The following NALCN variants were observed in gnomAD, a reference collection of about 807,000 sequenced individuals.
NALCN encodes sodium leak channel, non-selective, also known as sodium leak channel NALCN.
Under a neutral mutation model 225.3 loss-of-function variants are expected in NALCN, and 111 were observed. That is an observed-to-expected ratio of 0.49 (90% confidence interval 0.42 to 0.58). The LOEUF (loss-of-function observed/expected upper bound fraction) is 0.58. Among genes scored for constraint, NALCN ranks in the 20% least tolerant of loss-of-function variants. The probability of loss-of-function intolerance (pLI) is 0.00; values close to 1 mark genes in which losing one functional copy is unlikely to be tolerated. For missense variants in NALCN, 1,378 were observed against 2,202.4 expected (o/e 0.63, Z 7.49); for synonymous variants, 764 against 769.0 (o/e 0.99, Z 0.11).
chr13:101,314,392 G>A (rs2044476131), intron 7 of NALCN, among the ~76,000 whole-genome samples: 1 of 151,936 alleles, frequency 6.6e-6, no homozygotes, highest in South Asian at 2.1e-4. Flanking sequence ...TCAGAGACAC[G>A]GAAAACAAAC....
chr13:101,251,074 T>G (rs1428523525), intron 11 of NALCN, among the ~76,000 whole-genome samples: 1 of 152,106 alleles, frequency 6.6e-6, no homozygotes, highest in African/African-American at 2.4e-5. Flanking sequence ...TGAAGTTCAA[T>G]TTAACAATAT....
chr13:101,388,807 A>T (rs188672108), intron 3 of NALCN, among the ~76,000 whole-genome samples: 2 of 152,224 alleles, frequency 1.3e-5, no homozygotes, highest in African/African-American at 2.4e-5. Flanking sequence ...TGGAACCCTT[A>T]AGAAGTCAAC....
chr13:101,328,039 T>C (rs2045024935), intron 7 of NALCN, among the ~76,000 whole-genome samples: 1 of 152,202 alleles, frequency 6.6e-6, no homozygotes, highest in Non-Finnish European at 1.5e-5. Flanking sequence ...TTACAAAAAC[T>C]GGCAGTAAGC....
intron 9 of NALCN, among the ~76,000 whole-genome samples, chr13:101,287,987 A>T (rs1284838824): frequency 2.0e-5 from 3 of 152,192 alleles, no homozygotes; most frequent in Non-Finnish European, 2.9e-5. Flanking sequence ...ATGCAGAGAA[A>T]ATCTAAAATT....
chr13:101,385,472 C>G (rs756576127), intron 3 of NALCN, among the ~76,000 whole-genome samples: 2 of 152,200 alleles, frequency 1.3e-5, no homozygotes, highest in South Asian at 2.1e-4. Context: ...TATGTAGATT[C>G]TCATTATACT....
At chr13:101,152,088 C>T (rs1023944456) in intron 15 of NALCN, among the ~76,000 whole-genome samples, 1 of 152,134 alleles carries the variant, frequency 6.6e-6, no homozygotes, top group Non-Finnish European at 1.5e-5. Context: ...CCCAGTATAT[C>T]CAAGGTCAAA....
intron 13 of NALCN, among the ~76,000 whole-genome samples, chr13:101,207,993 C>G (rs1016163414): frequency 3.3e-5 from 5 of 151,198 alleles, no homozygotes; most frequent in African/African-American, 1.2e-4. Context: ...AGAGGCGCTG[C>G]CTTTATGAGC....
intron 6 of NALCN, 76 bp from the exon 7 acceptor site, chr13:101,345,496 C>T (rs1415940292): frequency 2.3e-5 from 34 of 1,503,406 alleles, no homozygotes; most frequent in Non-Finnish European, 2.8e-5. Flanking sequence ...TGTAATTACC[C>T]TTCATTAATA....
chr13:101,196,643 G>A (rs996339687), intron 13 of NALCN, among the ~76,000 whole-genome samples: 5 of 152,188 alleles, frequency 3.3e-5, no homozygotes, highest in Non-Finnish European at 7.3e-5. Context: ...AGGGAGAGAA[G>A]TATTAGCTGA....
chr13:101,364,904 C>T (rs1346419084), intron 6 of NALCN, among the ~76,000 whole-genome samples: 1 of 151,996 alleles, frequency 6.6e-6, no homozygotes, highest in Admixed American at 6.6e-5. Flanking sequence ...ACATAGGAAT[C>T]AAGAAGACGT....
At position 101,341,176 on chromosome 13, in the gene NALCN, TC is replaced by T. The variant is rs535091308; in HGVS notation, c.799+4089del. Reference sequence around the variant, plus strand: ...AATCCTACAGTTACATTAGCTTTGTTCTTAAAACAAATAGATACTAGAGACT... The same window carrying T: ...AATCCTACAGTTACATTAGCTTTGTTTTAAAACAAATAGATACTAGAGACT... On this transcript the variant is annotated intron_variant, in intron 7 of 43. Coordinates refer to ENST00000251127, the MANE Select transcript of NALCN (RefSeq NM_052867.4). 1.6e-4 allele frequency among the ~76,000 whole-genome samples: 25 copies of T among 152,356 alleles called. No individual in the cohort carries two copies. In the East Asian group the frequency reaches 4.6e-3, roughly 28 times the overall value.
chr13:101,159,942 A>T (rs1476983778), intron 15 of NALCN, among the ~76,000 whole-genome samples: 1 of 148,056 alleles, frequency 6.8e-6, no homozygotes, highest in Non-Finnish European at 1.5e-5. Context: ...GTTTTTTGTT[A>T]TTTTTTGTTA....
At chr13:101,171,277 T>C (rs934553890) in intron 15 of NALCN, among the ~76,000 whole-genome samples, 17 of 148,994 alleles carry the variant, frequency 1.1e-4, no homozygotes, top group Admixed American at 6.7e-5. Context: ...ATGTATTACA[T>C]ATATTTATAA....
chr13:101,306,328 C>T (rs761629278), intron 7 of NALCN, among the ~76,000 whole-genome samples: 17 of 152,240 alleles, frequency 1.1e-4, no homozygotes, highest in Admixed American at 2.0e-4. Flanking sequence ...TGTCTCCAGA[C>T]ACTGGCTTCC....
chr13:101,114,400 T>C lies in NALCN; in HGVS notation c.2193-3174A>G, dbSNP rs191217606. On this transcript the variant is annotated intron_variant, in intron 18 of 43. Coordinates refer to ENST00000251127, the MANE Select transcript of NALCN (RefSeq NM_052867.4). ...TCTTTTCCCGCGTCATGGTGGATGT[T>C]ATAACACTCTACATAGCATATTCAT... Among the ~76,000 whole-genome samples, 339 of 151,972 alleles carry C rather than the reference T, an allele frequency of 2.2e-3. 1 individual carries two copies. The highest frequency in any genetic ancestry group is 7.4e-3 in the African/African-American group (306 of 41,418).
chr13:101,414,587 G>A (rs2047880749), intron 1 of NALCN, among the ~76,000 whole-genome samples: 1 of 152,036 alleles, frequency 6.6e-6, no homozygotes, highest in African/African-American at 2.4e-5. Context: ...TCAAAGAAAT[G>A]CCATACCCAA....
chr13:101,298,456 G>A (rs1308392416), intron 7 of NALCN, among the ~76,000 whole-genome samples: 1 of 151,966 alleles, frequency 6.6e-6, no homozygotes, highest in African/African-American at 2.4e-5. Context: ...CAAGTAGCTG[G>A]GACTACAGGC....
chr13:101,390,007 A>G (rs901718420), intron 3 of NALCN, among the ~76,000 whole-genome samples: 3 of 152,148 alleles, frequency 2.0e-5, no homozygotes, highest in African/African-American at 7.2e-5. Flanking sequence ...GCTTGAACCC[A>G]GAAGGTGGAG....
chr13:101,397,657 A>G (rs1312522041), intron 2 of NALCN, among the ~76,000 whole-genome samples: 7 of 151,618 alleles, frequency 4.6e-5, no homozygotes, highest in Non-Finnish European at 1.0e-4. Flanking sequence ...TATAACATGT[A>G]TATATACCTA....
Sources: gnomAD v4.1 joint callset for allele counts (sites outside exome capture counted in the v4.1 genomes callset) on GRCh38, gnomAD v4.1.1 for gene constraint, MANE v1.5 for transcripts, NCBI Gene and HGNC (gene_info 2026-07-23, HGNC 2026-07-21) for gene names.